Variants in ZNF407 observed in about 807,000 individuals in gnomAD.
ZNF407 encodes the protein zinc finger protein 407.
A neutral mutation model predicts 131.2 loss-of-function variants in ZNF407; 17 were observed. That is an observed-to-expected ratio of 0.13 (90% CI 0.09 to 0.19). ZNF407 has a LOEUF of 0.19. ZNF407 is among the 10% of genes least tolerant of loss of function. The probability of loss-of-function intolerance (pLI) is 1.00; values close to 1 mark genes in which losing one functional copy is unlikely to be tolerated. For synonymous variants in ZNF407, 1,156 were observed against 1,062.0 expected (o/e 1.09, Z -1.72); for missense variants, 2,681 against 2,830.6 (o/e 0.95, Z 1.20).
At chr18:74,691,842 C>A (rs533516348) in intron 3 of ZNF407, among the ~76,000 whole-genome samples, 5 of 152,126 alleles carry the variant, frequency 3.3e-5, no homozygotes, top group African/African-American at 1.2e-4. Flanking sequence ...GCCTGTAATC[C>A]CAGCACTTTG....
At chr18:74,862,199 G>A (rs993408953) in intron 4 of ZNF407, among the ~76,000 whole-genome samples, 7 of 152,166 alleles carry the variant, frequency 4.6e-5, no homozygotes, top group African/African-American at 1.7e-4. Context: ...AACATTGTTG[G>A]TTATTTTAAG....
chr18:74,709,862 A>T (rs1426452948), intron 3 of ZNF407, among the ~76,000 whole-genome samples: 1 of 152,188 alleles, frequency 6.6e-6, no homozygotes, highest in Non-Finnish European at 1.5e-5. Flanking sequence ...GTTTCCTCCA[A>T]CTTTGTTATA....
chr18:74,998,570 T>C (rs1972805263), intron 8 of ZNF407, among the ~76,000 whole-genome samples: 2 of 151,876 alleles, frequency 1.3e-5, no homozygotes, highest in Non-Finnish European at 2.9e-5. Context: ...AAGAAGACAT[T>C]TATGCAGCCA....
chr18:74,802,794 G>C (rs1381183318), intron 4 of ZNF407, among the ~76,000 whole-genome samples: 1 of 152,160 alleles, frequency 6.6e-6, no homozygotes, highest in Non-Finnish European at 1.5e-5. Context: ...AGCTTTTGAT[G>C]TTCCAGGGAA....
In ZNF407 at chr18:74,633,567, C is replaced by T. The variant is rs746762854; in HGVS notation, c.2548C>T (p.Arg850Trp). 1.5e-5 allele frequency: 25 copies of T among 1,613,898 alleles called. No individual in the cohort carries two copies. Among genetic ancestry groups the T allele is most frequent in the Non-Finnish European group, 1.9e-5 (23 of 1,179,904 alleles). Residue 850 changes from arginine (R) to tryptophan (W), a missense_variant, in exon 2 of 9, where the codon CGG becomes TGG. Arg to Trp is a moderately radical substitution (Grantham distance 101). Transcript: ENST00000299687. ...KRGRPKGNIS[R>W]TCSHCGLLAS... ...AGGGAGACCTAAAGGTAACATCTCA[C>T]GGACGTGTTCACACTGTGGCCTTTT...
At chr18:74,806,637 C>G (rs534253430) in intron 4 of ZNF407, among the ~76,000 whole-genome samples, 1 of 152,200 alleles carries the variant, frequency 6.6e-6, no homozygotes, top group Non-Finnish European at 1.5e-5. Context: ...GGATAAAGCT[C>G]TAGCAGAGGA....
chr18:74,795,424 G>C (rs1969901582), intron 4 of ZNF407, among the ~76,000 whole-genome samples: 1 of 152,062 alleles, frequency 6.6e-6, no homozygotes, highest in African/African-American at 2.4e-5. Context: ...CTTTATTCAA[G>C]CTATTACTCA....
chr18:74,733,429 C>T (rs554822820), intron 3 of ZNF407, among the ~76,000 whole-genome samples: 42 of 152,122 alleles, frequency 2.8e-4, no homozygotes, highest in African/African-American at 8.4e-4. Context: ...TTCTTTTCCT[C>T]TTTTTGAAGT....
At chr18:74,729,505 G>GT (rs991097514) in intron 3 of ZNF407, among the ~76,000 whole-genome samples, 56 of 150,550 alleles carry the variant, frequency 3.7e-4, no homozygotes, top group Non-Finnish European at 3.8e-4. Context: ...GTGTGTGTGT[G>GT]TTTTTTTTTG....
intron 4 of ZNF407, among the ~76,000 whole-genome samples, chr18:74,844,030 G>A (rs1970668694): frequency 6.6e-6 from 1 of 152,140 alleles, no homozygotes; most frequent in Non-Finnish European, 1.5e-5. Context: ...AGGAAAAATT[G>A]ATGTAAAACA....
At chr18:74,875,062 T>C (rs1971137390) in intron 4 of ZNF407, among the ~76,000 whole-genome samples, 1 of 152,182 alleles carries the variant, frequency 6.6e-6, no homozygotes, top group Non-Finnish European at 1.5e-5. Flanking sequence ...GTAGAGGTCT[T>C]ACTGAGTTGC....
chr18:75,015,307 C>T (rs1973029920), intron 8 of ZNF407, among the ~76,000 whole-genome samples: 2 of 151,526 alleles, frequency 1.3e-5, no homozygotes, highest in South Asian at 2.1e-4. Flanking sequence ...GTCAGGGTAT[C>T]GATGCTTATT....
chr18:75,027,427 G>A (rs1973184342), intron 8 of ZNF407, among the ~76,000 whole-genome samples: 1 of 152,180 alleles, frequency 6.6e-6, no homozygotes, highest in Non-Finnish European at 1.5e-5. Context: ...GATATTGGCT[G>A]CGATCAGGAA....
At chr18:74,754,742 A>G (rs933154148) in intron 3 of ZNF407, among the ~76,000 whole-genome samples, 3 of 152,120 alleles carry the variant, frequency 2.0e-5, no homozygotes, top group Admixed American at 2.0e-4. Flanking sequence ...GTTCCTTTAC[A>G]TTTGCTGAGG....
chr18:74,738,886 A>AT, intron 3 of ZNF407, among the ~76,000 whole-genome samples: 1 of 152,212 alleles, frequency 6.6e-6, no homozygotes, highest in Non-Finnish European at 1.5e-5. Context: ...AAGTTTGTTT[A>AT]AGGAGATTTG....
chr18:75,057,774 CATTCGTGT>C (rs1289654795), intron 8 of ZNF407, among the ~76,000 whole-genome samples: 1 of 152,076 alleles, frequency 6.6e-6, no homozygotes, highest in African/African-American at 2.4e-5. Context: ...CTAAAAGTGC[CATTCGTGT>C]ATTTTATGGA....
At chr18:74,900,177 G>A (rs995514218) in intron 7 of ZNF407, among the ~76,000 whole-genome samples, 7 of 152,322 alleles carry the variant, frequency 4.6e-5, no homozygotes, top group Non-Finnish European at 1.0e-4. Context: ...CAGGGGCACT[G>A]CTAATAGTTA....
intron 4 of ZNF407, among the ~76,000 whole-genome samples, chr18:74,833,206 C>G (rs1299060074): frequency 6.6e-6 from 1 of 152,234 alleles, no homozygotes; most frequent in Non-Finnish European, 1.5e-5. Context: ...AGCACAGTCT[C>G]TCTTAGCAGC....
At chr18:74,801,216 T>A (rs1285597915) in intron 4 of ZNF407, among the ~76,000 whole-genome samples, 1 of 152,232 alleles carries the variant, frequency 6.6e-6, no homozygotes, top group Non-Finnish European at 1.5e-5. Context: ...GTATGATTAA[T>A]GATTGTGTAC....
Sources: allele counts gnomAD v4.1 joint callset (sites outside exome capture counted in the v4.1 genomes callset), GRCh38; gene constraint gnomAD v4.1.1; transcripts MANE v1.5; gene names NCBI Gene and HGNC (gene_info 2026-07-23, HGNC 2026-07-21).